Variants in PCDHGA1 observed in about 807,000 individuals in gnomAD.
The protein encoded by PCDHGA1 is protocadherin gamma-A1.
A neutral mutation model predicts 58.0 loss-of-function variants in PCDHGA1; 32 were observed. The ratio of observed to expected loss-of-function variants is 0.55; its 90% CI spans 0.42 to 0.74. The LOEUF (loss-of-function observed/expected upper bound fraction) is 0.74. Ranked by LOEUF, PCDHGA1 falls within the 30% of genes least tolerant of loss-of-function variation. PCDHGA1 has a pLI of 0.00. For missense variants in PCDHGA1, 1,205 were observed against 1,182.3 expected (o/e 1.02, Z -0.28); for synonymous variants, 498 against 501.1 (o/e 0.99, Z 0.08).
At chr5:141,510,627 G>C (rs2099881988) in intron 3 of PCDHGA1, among the ~76,000 whole-genome samples, 2 of 152,090 alleles carry the variant, frequency 1.3e-5, no homozygotes, top group South Asian at 2.1e-4. Context: ...AACCAGAAGA[G>C]GTGGTTACCA....
At chr5:141,383,175 G>A in intron 1 of PCDHGA1, 1 of 1,614,114 alleles carries the variant, frequency 6.2e-7, no homozygotes, top group Non-Finnish European at 8.5e-7. Flanking sequence ...GGATAGACCG[G>A]GAAGAGATCT....
rs539878473 is a variant in PCDHGA1 at position 141,501,595 on chromosome 5, C to T, written c.2481-3798C>T. Reference sequence around the variant, plus strand: ...GCTGGCTTTCAGGTTGCAACTCTACCAGTTCCAGCTGTGTGACTCTGGTAT... The same window carrying T: ...GCTGGCTTTCAGGTTGCAACTCTACTAGTTCCAGCTGTGTGACTCTGGTAT... On this transcript the variant is annotated intron_variant, in intron 2 of 3. Coordinates refer to ENST00000517417, the MANE Select transcript of PCDHGA1 (RefSeq NM_018912.3). Among the ~76,000 whole-genome samples the T allele has an allele frequency of 9.9e-5, 15 of 152,164 alleles. No homozygotes were observed. In the East Asian group the frequency reaches 2.9e-3, roughly 30 times the overall value.
At position 141,412,973 on chromosome 5, in the gene PCDHGA1, C is replaced by A. The variant is rs2095594108; in HGVS notation, c.2421+79868C>A. 14 of 528,318 alleles carry A rather than the reference C, an allele frequency of 2.6e-5. No individual in the cohort carries two copies. In the South Asian group the frequency reaches 3.3e-4, roughly 12 times the overall value. The allele number at this position is 528,318 out of a possible 1,614,324, so 32.7% of individuals were successfully genotyped here. A position where few individuals can be genotyped will look rare whatever the true frequency, so the allele number is the denominator to read the frequency against. Reference sequence around the variant, plus strand: ...GCTGTTCACCTACTAGGAGAGAAAACGCAGCCAGAGCTCAATCCGGATTCT... The same window carrying A: ...GCTGTTCACCTACTAGGAGAGAAAAAGCAGCCAGAGCTCAATCCGGATTCT... On this transcript the variant is annotated intron_variant, in intron 1 of 3. Transcript: ENST00000517417.
chr5:141,494,935 G>A, intron 2 of PCDHGA1, 70 bp downstream of exon 2: 1 of 1,612,482 alleles, frequency 6.2e-7, no homozygotes, highest in Non-Finnish European at 8.5e-7. Flanking sequence ...GGGAGGAGAT[G>A]GGGGAGGGCC....
chr5:141,388,930 C>G, intron 1 of PCDHGA1: 1 of 1,614,002 alleles, frequency 6.2e-7, no homozygotes, highest in South Asian at 1.1e-5. Flanking sequence ...ATATTCCAGT[C>G]TCTACCCAAC....
intron 1 of PCDHGA1, chr5:141,422,315 C>T: frequency 6.5e-7 from 1 of 1,547,896 alleles, no homozygotes; most frequent in Non-Finnish European, 8.7e-7. Flanking sequence ...AACTCTCCTC[C>T]AGGTACAGTG....
intron 2 of PCDHGA1, among the ~76,000 whole-genome samples, chr5:141,500,906 G>C (rs1333707004): frequency 6.7e-6 from 1 of 149,672 alleles, no homozygotes; most frequent in African/African-American, 2.5e-5. Flanking sequence ...GTCTCGCTCT[G>C]TCTCCAGGCT....
chr5:141,433,289 G>A, intron 1 of PCDHGA1: 1 of 1,130,682 alleles, frequency 8.8e-7, no homozygotes, highest in Non-Finnish European at 1.3e-6. Flanking sequence ...AAACTCCTAG[G>A]CTCAAGCAAT....
At chr5:141,351,523 C>T in intron 1 of PCDHGA1, 1 of 1,614,036 alleles carries the variant, frequency 6.2e-7, no homozygotes, top group African/African-American at 1.3e-5. Flanking sequence ...TCATAGCCAC[C>T]GACAAGGGCA....
chr5:141,347,137 C>CTCTTTCTTTCTTCCTTTCTT (rs1757891658), intron 1 of PCDHGA1, among the ~76,000 whole-genome samples: 1 of 113,744 alleles, frequency 8.8e-6, no homozygotes, highest in Non-Finnish European at 1.7e-5. Context: ...CTCTGTTTCT[C>CTCTTTCTTTCTTCCTTTCTT]TCTTTCTTTC....
In PCDHGA1 at chr5:141,427,737, G is replaced by C. The variant is rs1460682938; in HGVS notation, c.2422-67070G>C. 2.5e-6 allele frequency: 3 copies of C among 1,223,986 alleles called. No homozygotes were observed. The African/African-American group carries it at 4.4e-5, about 18-fold the overall frequency. 75.8% of individuals were successfully genotyped at this position (1,223,986 alleles called of 1,614,324 possible). A position where few individuals can be genotyped will look rare whatever the true frequency, so the allele number is the denominator to read the frequency against. On this transcript the variant is annotated intron_variant, in intron 1 of 3. Coordinates refer to ENST00000517417, the MANE Select transcript of PCDHGA1 (RefSeq NM_018912.3). The stretch of plus-strand genomic sequence containing the variant: ...CCTGGACCTAGGGCTGAATGGCCAA[G>C]TCTCCTACTCCATCGTTACCACTGA...
intron 1 of PCDHGA1, chr5:141,356,995 G>T (rs372951385): frequency 4.3e-6 from 7 of 1,614,184 alleles, no homozygotes; most frequent in East Asian, 2.2e-5. Context: ...CAGAGACTCA[G>T]GTCAGAATGC....
rs1778279940 is a variant in PCDHGA1, at chr5:141,382,546, G to A, written c.2421+49441G>A. Among the ~76,000 whole-genome samples the A allele has an allele frequency of 5.3e-5, 8 of 152,162 alleles. No homozygotes were observed. In the South Asian group the frequency reaches 1.4e-3, roughly 28 times the overall value. The stretch of plus-strand genomic sequence containing the variant: ...TCTTAAAATGGATTTTTAATTATCA[G>A]GGATATCTAGAGCAAAGAAATCTAA... On this transcript the variant is annotated intron_variant, in intron 1 of 3. Coordinates refer to ENST00000517417, the MANE Select transcript of PCDHGA1 (RefSeq NM_018912.3).
At position 141,491,290 on chromosome 5, in the gene PCDHGA1, C is replaced by T. The variant is rs747758229; in HGVS notation, c.2422-3517C>T. Reference sequence around the variant, plus strand: ...CAAATCCAGTGACTTCCTCATACACCCTCCTGAGCGTTCAGACCTTACCCT... The same window carrying T: ...CAAATCCAGTGACTTCCTCATACACTCTCCTGAGCGTTCAGACCTTACCCT... On this transcript the variant is annotated intron_variant, in intron 1 of 3. Coordinates refer to ENST00000517417, the MANE Select transcript of PCDHGA1 (RefSeq NM_018912.3). The surrounding 1 kb of genome is among the most constrained non-coding windows in gnomAD (Gnocchi z 6.9). 6.2e-7 allele frequency: 1 copy of T among 1,613,974 alleles called. No homozygotes were observed. Among genetic ancestry groups the T allele is most frequent in the Non-Finnish European group, 8.5e-7 (1 of 1,179,952 alleles).
chr5:141,413,013 C>A, intron 1 of PCDHGA1: 2 of 661,008 alleles, frequency 3.0e-6, no homozygotes, highest in Admixed American at 6.8e-5. Context: ...GCTTCAACTA[C>A]ACAAGCCCCA....
At chr5:141,399,795 G>C in intron 1 of PCDHGA1, 2 of 1,613,204 alleles carry the variant, frequency 1.2e-6, no homozygotes, top group Non-Finnish European at 1.7e-6. Context: ...ACAACGCACC[G>C]CGGGTGCTGT....
At chr5:141,356,754 C>G in intron 1 of PCDHGA1, 3 of 1,613,966 alleles carry the variant, frequency 1.9e-6, no homozygotes, top group Non-Finnish European at 1.7e-6. Context: ...ATGCTCTTTG[C>G]TCCTTCGACT....
intron 1 of PCDHGA1, chr5:141,356,815 G>C: frequency 6.2e-7 from 1 of 1,614,066 alleles, no homozygotes; most frequent in Non-Finnish European, 8.5e-7. Flanking sequence ...TGACAGTGGA[G>C]ACCCTCCACT....
rs934366037 is a variant in PCDHGA1, at chr5:141,408,906, C to T, written c.2421+75801C>T. On this transcript the variant is annotated intron_variant, in intron 1 of 3. Transcript: ENST00000517417. Reference sequence around the variant, plus strand: ...CACATAGAAATTTCTGTCAAGGATACCAATGATAACCCCCCGGTTTTCAGC... The same window carrying T: ...CACATAGAAATTTCTGTCAAGGATATCAATGATAACCCCCCGGTTTTCAGC... 2.5e-6 allele frequency: 4 copies of T among 1,613,136 alleles called. No homozygotes were observed. The African/African-American group carries it at 4.0e-5, about 16-fold the overall frequency.
Sources: allele counts gnomAD v4.1 joint callset (sites outside exome capture counted in the v4.1 genomes callset), GRCh38; gene constraint gnomAD v4.1.1; non-coding constraint Gnocchi (gnomAD v3.1); transcripts MANE v1.5; gene names NCBI Gene and HGNC (gene_info 2026-07-23, HGNC 2026-07-21).